Variants in CCDC60 observed in about 807,000 individuals in gnomAD.
CCDC60 encodes the protein coiled-coil domain containing 60, also known as coiled-coil domain-containing protein 60.
A neutral mutation model predicts 63.5 loss-of-function variants in CCDC60; 54 were observed. That is an observed-to-expected ratio of 0.85 (90% CI 0.68 to 1.07). The LOEUF is 1.07. CCDC60 is among the 50% of genes least tolerant of loss of function. The probability of loss-of-function intolerance (pLI) is 0.00; values close to 1 mark genes in which losing one functional copy is unlikely to be tolerated. For synonymous variants in CCDC60, 206 were observed against 238.8 expected (o/e 0.86, Z 1.27); for missense variants, 651 against 684.3 (o/e 0.95, Z 0.54).
At chr12:119,405,656 C>T (rs569655815) in intron 1 of CCDC60, among the ~76,000 whole-genome samples, 6 of 152,314 alleles carry the variant, frequency 3.9e-5, no homozygotes, top group Non-Finnish European at 7.3e-5. Context: ...TCAGGGCAGC[C>T]GTGTCTAACA....
At chr12:119,383,789 C>T (rs1956032670) in intron 1 of CCDC60, among the ~76,000 whole-genome samples, 1 of 152,126 alleles carries the variant, frequency 6.6e-6, no homozygotes, top group Non-Finnish European at 1.5e-5. Flanking sequence ...CTAGACAACA[C>T]AAGAGACCTT....
intron 1 of CCDC60, among the ~76,000 whole-genome samples, chr12:119,378,288 C>G (rs1325113621): frequency 1.3e-5 from 2 of 152,150 alleles, no homozygotes; most frequent in African/African-American, 4.8e-5. Flanking sequence ...TAGCCTTTTC[C>G]TATTGACACA....
chr12:119,511,456 G>C (rs1300798437), intron 7 of CCDC60, among the ~76,000 whole-genome samples: 80 of 152,306 alleles, frequency 5.3e-4, no homozygotes, highest in Non-Finnish European at 8.8e-5. Context: ...TGCTGGTCTT[G>C]AAGCTCTGAG....
chr12:119,340,292 G>A (rs1955518772), intron 1 of CCDC60, among the ~76,000 whole-genome samples: 1 of 152,126 alleles, frequency 6.6e-6, no homozygotes, highest in African/African-American at 2.4e-5. Flanking sequence ...ACAGAGCCTG[G>A]CATACAGTAA....
chr12:119,439,752 T>C (rs190929610), intron 2 of CCDC60, among the ~76,000 whole-genome samples: 1 of 152,274 alleles, frequency 6.6e-6, no homozygotes, highest in Admixed American at 6.5e-5. Context: ...AGACTCTTAG[T>C]GCACAGTGAT....
At chr12:119,476,585 T>A (rs1213204135) in intron 3 of CCDC60, among the ~76,000 whole-genome samples, 1 of 152,028 alleles carries the variant, frequency 6.6e-6, no homozygotes, top group African/African-American at 2.4e-5. Context: ...GCCCCCTCCA[T>A]CCCATTCCCC....
chr12:119,398,971 T>C (rs1438544066), intron 1 of CCDC60, among the ~76,000 whole-genome samples: 1 of 152,166 alleles, frequency 6.6e-6, no homozygotes, highest in East Asian at 1.9e-4. Context: ...ATGTCTCCTT[T>C]TTACAGATGA....
chr12:119,532,150 C>G (rs1952861213), intron 13 of CCDC60, among the ~76,000 whole-genome samples: 1 of 152,080 alleles, frequency 6.6e-6, no homozygotes, highest in Admixed American at 6.5e-5. Flanking sequence ...CTCCCCATGA[C>G]CCGTGAGGCT....
chr12:119,492,534 T>G (rs1397466578), intron 5 of CCDC60, among the ~76,000 whole-genome samples: 2 of 152,234 alleles, frequency 1.3e-5, no homozygotes, highest in African/African-American at 4.8e-5. Flanking sequence ...CTTCAACACT[T>G]AATCCCTATT....
chr12:119,495,934 A>G (rs1440969573), intron 5 of CCDC60, among the ~76,000 whole-genome samples: 1 of 152,218 alleles, frequency 6.6e-6, no homozygotes, highest in Non-Finnish European at 1.5e-5. Context: ...AAATTGGGTC[A>G]TCAAGGAAAG....
At chr12:119,503,791 T>A (rs1024411523) in intron 6 of CCDC60, among the ~76,000 whole-genome samples, 2 of 152,216 alleles carry the variant, frequency 1.3e-5, no homozygotes, top group Non-Finnish European at 2.9e-5. Context: ...AAATGAATTC[T>A]GCTGAATACA....
At chr12:119,529,051 A>C (rs1297636990) in intron 12 of CCDC60, among the ~76,000 whole-genome samples, 1 of 152,186 alleles carries the variant, frequency 6.6e-6, no homozygotes, top group Non-Finnish European at 1.5e-5. Flanking sequence ...CAGGCAGATG[A>C]GGCATATCAA....
At chr12:119,533,669 A>G (rs1415942042) in intron 13 of CCDC60, among the ~76,000 whole-genome samples, 1 of 152,208 alleles carries the variant, frequency 6.6e-6, no homozygotes, top group African/African-American at 2.4e-5. Context: ...CATTTATTAA[A>G]CAGGGAATCC....
chr12:119,401,997 C>A (rs955450031), intron 1 of CCDC60, among the ~76,000 whole-genome samples: 1 of 152,196 alleles, frequency 6.6e-6, no homozygotes, highest in African/African-American at 2.4e-5. Context: ...CCCCCATAAA[C>A]CTGGCTCTGT....
chr12:119,464,017 C>T (rs1430276059), intron 2 of CCDC60, among the ~76,000 whole-genome samples: 2 of 150,648 alleles, frequency 1.3e-5, no homozygotes, highest in Non-Finnish European at 3.0e-5. Context: ...CTTCCTCTTT[C>T]CTTCCTTCTT....
chr12:119,440,164 C>T (rs968071043), intron 2 of CCDC60, among the ~76,000 whole-genome samples: 20 of 152,084 alleles, frequency 1.3e-4, no homozygotes, highest in African/African-American at 4.1e-4. Context: ...ACCACCATGG[C>T]ACATGTATAC....
intron 6 of CCDC60, 115 bp downstream of exon 6, chr12:119,500,283 A>G: frequency 1.4e-6 from 1 of 701,830 alleles, no homozygotes. Flanking sequence ...TGGTTCTCGG[A>G]GTGAAGGGAA....
intron 1 of CCDC60, among the ~76,000 whole-genome samples, chr12:119,378,006 A>T (rs4238064): frequency 0.19 from 29,250 of 152,180 alleles, 3,435 homozygotes; most frequent in Non-Finnish European, 0.27. Flanking sequence ...GGAGCTCCCA[A>T]GTGGGACTTC....
chr12:119,448,894 G>A (rs982128528), intron 2 of CCDC60, among the ~76,000 whole-genome samples: 1 of 152,118 alleles, frequency 6.6e-6, no homozygotes, highest in Non-Finnish European at 1.5e-5. Context: ...AAGAAATGCA[G>A]TCCTCTTACA....
Sources: allele counts gnomAD v4.1 joint callset (sites outside exome capture counted in the v4.1 genomes callset), GRCh38; gene constraint gnomAD v4.1.1; transcripts MANE v1.5; gene names NCBI Gene and HGNC (gene_info 2026-07-23, HGNC 2026-07-21).